GAS7: variants seen among roughly 807,000 people sequenced by gnomAD.
The protein encoded by GAS7 is growth arrest specific 7, also known as growth arrest-specific protein 7.
Under a neutral mutation model 71.1 loss-of-function variants are expected in GAS7, and 28 were observed. The ratio of observed to expected loss-of-function variants is 0.39; its 90% confidence interval spans 0.29 to 0.54. The LOEUF is 0.54. GAS7 is among the 20% of genes least tolerant of loss of function. GAS7 has a pLI of 0.62. For missense variants in GAS7, 436 were observed against 627.8 expected, an observed-to-expected ratio of 0.69 and a Z score of 3.27; for synonymous variants, 258 against 245.8, an observed-to-expected ratio of 1.05 and a Z score of -0.46.
chr17:10,054,993 G>A (rs552512631), intron 1 of GAS7, among the ~76,000 whole-genome samples: 3 of 152,184 alleles, frequency 2.0e-5, no homozygotes, highest in African/African-American at 4.8e-5. Context: ...GAGGAGGTGC[G>A]TAAGAAAGCT....
At chr17:10,137,789 C>T (rs1015848396) in intron 1 of GAS7, among the ~76,000 whole-genome samples, 3 of 152,044 alleles carry the variant, frequency 2.0e-5, no homozygotes, top group African/African-American at 7.2e-5. Flanking sequence ...CATCTGCCCA[C>T]CCTGGCCTCC....
chr17:10,178,540 G>A lies in GAS7; in HGVS notation c.183+19668C>T, dbSNP rs180785637. Among the ~76,000 whole-genome samples the A allele has an allele frequency of 4.6e-5, 7 of 151,900 alleles. No individual in the cohort carries two copies. In the East Asian group the frequency reaches 5.8e-4, roughly 13 times the overall value. ...CACAGGGCTCCAGAAAACCATACAC[G>A]GAGCCTGTCTCATACCTCTCCTGTG... On this transcript the variant is annotated intron_variant, in intron 1 of 13. Transcript: ENST00000432992.
intron 1 of GAS7, among the ~76,000 whole-genome samples, chr17:10,164,452 AAAAG>A (rs1020309484): frequency 8.6e-5 from 13 of 151,552 alleles, no homozygotes; most frequent in African/African-American, 3.2e-4. Context: ...AAAAAAAAAA[AAAAG>A]AAATATGGCC....
intron 1 of GAS7, among the ~76,000 whole-genome samples, chr17:10,186,866 C>T (rs981974914): frequency 1.1e-4 from 16 of 151,178 alleles, no homozygotes; most frequent in African/African-American, 3.4e-4. Flanking sequence ...CCAGCCCGAG[C>T]GACAGAACAA....
Position 10,007,287 on chromosome 17 carries a change from G to A in GAS7, c.304+12490C>T, listed in dbSNP as rs973558976. ...CGAGGTATTTCTGACACCCACCAAA[G>A]TTTGGCAATCAGACAGAAAGACTCC... On this transcript the variant is annotated intron_variant, in intron 2 of 13. Transcript: ENST00000432992. 3.9e-5 allele frequency among the ~76,000 whole-genome samples: 6 copies of A among 152,196 alleles called. No individual in the cohort carries two copies. In the East Asian group the frequency reaches 9.7e-4, roughly 24 times the overall value.
chr17:9,957,120 C>T (rs3786101), intron 5 of GAS7, among the ~76,000 whole-genome samples: 75,353 of 151,602 alleles, frequency 0.5, 19,482 homozygotes, highest in Non-Finnish European at 0.57. Flanking sequence ...CTCAGTTTCT[C>T]TGGCAAAAAA....
chr17:10,003,590 G>A (rs2071356009), intron 2 of GAS7, among the ~76,000 whole-genome samples: 2 of 152,304 alleles, frequency 1.3e-5, no homozygotes, highest in South Asian at 2.1e-4. Flanking sequence ...TCACAGAAGC[G>A]ACTCTTTTGG....
At chr17:10,078,199 C>T (rs1454080399) in intron 1 of GAS7, among the ~76,000 whole-genome samples, 1 of 152,092 alleles carries the variant, frequency 6.6e-6, no homozygotes, top group Non-Finnish European at 1.5e-5. Flanking sequence ...TTGAGCAATC[C>T]TCCCACCTCA....
intron 2 of GAS7, among the ~76,000 whole-genome samples, chr17:10,012,220 G>A (rs2071802241): frequency 6.6e-6 from 1 of 152,168 alleles, no homozygotes; most frequent in Admixed American, 6.5e-5. Flanking sequence ...TCTCCAAAAA[G>A]AGGGCCTGAA....
chr17:10,162,224 A>G (rs973305613), intron 1 of GAS7, among the ~76,000 whole-genome samples: 4 of 101,886 alleles, frequency 3.9e-5, no homozygotes, highest in Admixed American at 2.3e-4. Flanking sequence ...CTGCTCTGAC[A>G]GCCCGGCCTG....
At chr17:9,977,924 T>G (rs140549951) in intron 3 of GAS7, among the ~76,000 whole-genome samples, 2 of 152,284 alleles carry the variant, frequency 1.3e-5, no homozygotes, top group African/African-American at 2.4e-5. Context: ...AACACAAAAG[T>G]AAAGCTGGCT....
At position 10,103,821 on chromosome 17, in the gene GAS7, A is replaced by G. The variant is rs2073731582; in HGVS notation, c.184-83924T>C. ...AGCCTGGGTGACACAGCAAGACTGC[A>G]TCTCAAAAAATCTCAAAAAAAAAAA... On this transcript the variant is annotated intron_variant, in intron 1 of 13. Transcript: ENST00000432992. This position sits in a 1 kb window ranked among gnomAD's most constrained non-coding sequence, Gnocchi z 5.5. 6.7e-6 allele frequency among the ~76,000 whole-genome samples: 1 copy of G among 149,320 alleles called. No individual in the cohort carries two copies. Among genetic ancestry groups the G allele is most frequent in the Non-Finnish European group, 1.5e-5 (1 of 67,216 alleles).
At chr17:10,190,531 G>C (rs1441146571) in intron 1 of GAS7, among the ~76,000 whole-genome samples, 3 of 150,324 alleles carry the variant, frequency 2.0e-5, no homozygotes, top group Non-Finnish European at 4.4e-5. Flanking sequence ...AGTGAGCCAA[G>C]ATCGTGCCTT....
rs754065850 is a variant in GAS7, at chr17:9,934,200, T to C, written c.851A>G (p.Asp284Gly). ...GAACTTGAGGTGAACTTCTGCTTCG[T>C]CCGCCAGGCTCTTCTTCACCTGGGC... ...AWAQVKKSLA[D>G]EAEVHLKFSA... Residue 284 changes from aspartate to glycine, a missense_variant, in exon 9 of 14, where the codon GAC (aspartate) becomes GGC (glycine). By Grantham distance (94) the Asp-to-Gly change is moderately conservative. Transcript: ENST00000432992. 3 of 1,613,058 alleles carry C rather than the reference T, an allele frequency of 1.9e-6. No individual in the cohort carries two copies. Among genetic ancestry groups the C allele is most frequent in the Non-Finnish European group, 1.7e-6 (2 of 1,179,320 alleles).
chr17:10,074,062 A>G (rs1421987665), intron 1 of GAS7, among the ~76,000 whole-genome samples: 3 of 152,194 alleles, frequency 2.0e-5, no homozygotes, highest in Non-Finnish European at 4.4e-5. Context: ...ACTTTCTGGA[A>G]GAGAGAAAGA....
chr17:10,122,135 C>T (rs575320818), intron 1 of GAS7, among the ~76,000 whole-genome samples: 5 of 152,212 alleles, frequency 3.3e-5, no homozygotes, highest in African/African-American at 4.8e-5. Context: ...CCTCCTCGTA[C>T]AGTGTGACCT....
At chr17:10,007,373 C>T (rs1433675002) in intron 2 of GAS7, among the ~76,000 whole-genome samples, 21 of 151,944 alleles carry the variant, frequency 1.4e-4, no homozygotes, top group Admixed American at 1.4e-3. Flanking sequence ...GCCTGTATTC[C>T]CAGCACTTTG....
intron 2 of GAS7, among the ~76,000 whole-genome samples, chr17:10,015,269 C>G (rs1403752716): frequency 6.6e-6 from 1 of 152,064 alleles, no homozygotes; most frequent in Non-Finnish European, 1.5e-5. Flanking sequence ...CACCTATTAT[C>G]CCCAGGCACC....
intron 2 of GAS7, among the ~76,000 whole-genome samples, chr17:9,999,554 T>C (rs2071184054): frequency 6.6e-6 from 1 of 152,092 alleles, no homozygotes; most frequent in South Asian, 2.1e-4. Flanking sequence ...CACTGAGTAT[T>C]GCTTTTCACA....
Sources: allele counts gnomAD v4.1 joint callset (sites outside exome capture counted in the v4.1 genomes callset), GRCh38; gene constraint gnomAD v4.1.1; non-coding constraint Gnocchi (gnomAD v3.1); transcripts MANE v1.5; gene names NCBI Gene and HGNC (gene_info 2026-07-23, HGNC 2026-07-21).